MSI2: variants seen among roughly 807,000 people sequenced by gnomAD.
The protein encoded by MSI2 is RNA-binding protein Musashi homolog 2.
Under a neutral mutation model 45.6 loss-of-function variants are expected in MSI2, and 17 were observed. The ratio of observed to expected loss-of-function variants is 0.37; its 90% CI spans 0.26 to 0.56. The LOEUF (loss-of-function observed/expected upper bound fraction) is 0.56. MSI2 is among the 20% of genes least tolerant of loss of function. MSI2 has a pLI of 0.77. For synonymous variants in MSI2, 156 were observed against 158.2 expected (o/e 0.99, Z 0.11); for missense variants, 293 against 444.2 (o/e 0.66, Z 3.06).
At chr17:57,377,476 C>G (rs1026215758) in intron 5 of MSI2, among the ~76,000 whole-genome samples, 1 of 152,218 alleles carries the variant, frequency 6.6e-6, no homozygotes. Flanking sequence ...CAGGGATTCT[C>G]CACAGTTCAG....
intron 5 of MSI2, among the ~76,000 whole-genome samples, chr17:57,340,505 G>A (rs570011491): frequency 6.6e-6 from 1 of 152,246 alleles, no homozygotes; most frequent in South Asian, 2.1e-4. Flanking sequence ...CAAAGGGTGG[G>A]GCATGAGAAA....
intron 5 of MSI2, among the ~76,000 whole-genome samples, chr17:57,273,074 A>G (rs1908516154): frequency 6.6e-6 from 1 of 152,176 alleles, no homozygotes; most frequent in Non-Finnish European, 1.5e-5. Context: ...GGGAAAAAGG[A>G]TCAAATTAGG....
At chr17:57,578,816 G>A (rs2088122071) in intron 7 of MSI2, among the ~76,000 whole-genome samples, 2 of 151,956 alleles carry the variant, frequency 1.3e-5, no homozygotes, top group Admixed American at 6.6e-5. Context: ...AAACCCTCTG[G>A]GACTGGTGGG....
chr17:57,383,343 T>A (rs1224535462), intron 5 of MSI2, among the ~76,000 whole-genome samples: 1 of 152,200 alleles, frequency 6.6e-6, no homozygotes, highest in African/African-American at 2.4e-5. Context: ...TACTGACATT[T>A]ACAATGATAA....
intron 13 of MSI2, 135 bp downstream of exon 13, chr17:57,677,194 A>G: frequency 1.5e-6 from 1 of 658,720 alleles, no homozygotes; most frequent in Non-Finnish European, 2.7e-6. Context: ...ACCCCTTTTC[A>G]GGAGGGTGGG....
intron 5 of MSI2, among the ~76,000 whole-genome samples, chr17:57,347,391 G>A (rs1915694786): frequency 6.6e-6 from 1 of 152,074 alleles, no homozygotes; most frequent in Admixed American, 6.6e-5. Flanking sequence ...AATGAGTGTG[G>A]CATTATAGCA....
rs534298278 is a variant in MSI2 at position 57,476,201 on chromosome 17, T to G, written c.406-53475T>G. 2.3e-3 allele frequency among the ~76,000 whole-genome samples: 348 copies of G among 152,280 alleles called. 2 individuals carry two copies. The highest frequency in any genetic ancestry group is 0.011 in the South Asian group (55 of 4,806). On this transcript the variant is annotated intron_variant, in intron 6 of 13. Coordinates refer to ENST00000284073, the MANE Select transcript of MSI2 (RefSeq NM_138962.4). The stretch of plus-strand genomic sequence containing the variant: ...ATCCAAGCTGATTTACATCAGCAGC[T>G]CCCTCTGGTTAATAGCCTTGTATAT...
At chr17:57,332,121 A>G (rs1914325326) in intron 5 of MSI2, among the ~76,000 whole-genome samples, 1 of 148,570 alleles carries the variant, frequency 6.7e-6, no homozygotes. Context: ...TTTTTTTTGA[A>G]ATGGAGTCTC....
intron 11 of MSI2, among the ~76,000 whole-genome samples, chr17:57,663,639 C>T (rs1322120066): frequency 1.3e-5 from 2 of 152,210 alleles, no homozygotes; most frequent in Non-Finnish European, 2.9e-5. Flanking sequence ...AAGACAGACA[C>T]ACAGCAGCAA....
chr17:57,344,696 T>C (rs1345480669), intron 5 of MSI2, among the ~76,000 whole-genome samples: 23 of 152,182 alleles, frequency 1.5e-4, no homozygotes, highest in Admixed American at 1.5e-3. Flanking sequence ...TATACATACA[T>C]ATTTTGGAAA....
At chr17:57,346,948 C>T (rs922794123) in intron 5 of MSI2, among the ~76,000 whole-genome samples, 2 of 152,114 alleles carry the variant, frequency 1.3e-5, no homozygotes, top group African/African-American at 2.4e-5. Context: ...AATAGGTAAT[C>T]GAACAGAGTA....
rs538565636 is a variant in MSI2 at position 57,463,268 on chromosome 17, G to C, written c.405+61797G>C. Reference sequence around the variant, plus strand: ...TTCCAGCATTGTGTATGTAGGAGTGGGGGTGGTGGGCAGGGTGAGTAGGAC... The same window carrying C: ...TTCCAGCATTGTGTATGTAGGAGTGCGGGTGGTGGGCAGGGTGAGTAGGAC... On this transcript the variant is annotated intron_variant, in intron 6 of 13. Coordinates refer to ENST00000284073, the MANE Select transcript of MSI2 (RefSeq NM_138962.4). Among the ~76,000 whole-genome samples, 9 of 152,268 alleles carry C rather than the reference G, an allele frequency of 5.9e-5. No individual in the cohort carries two copies. In the East Asian group the frequency reaches 1.7e-3, roughly 29 times the overall value.
intron 5 of MSI2, among the ~76,000 whole-genome samples, chr17:57,318,629 A>C (rs2143652874): frequency 6.6e-6 from 1 of 151,924 alleles, no homozygotes; most frequent in Admixed American, 6.6e-5. Context: ...CCCGGGTCTG[A>C]AAAGGTGCCT....
chr17:57,485,459 A>G (rs1276591325), intron 6 of MSI2, among the ~76,000 whole-genome samples: 1 of 152,220 alleles, frequency 6.6e-6, no homozygotes, highest in Non-Finnish European at 1.5e-5. Context: ...ATTTGCACAG[A>G]TAGAAACAAA....
chr17:57,614,526 G>T (rs778450615), intron 8 of MSI2, among the ~76,000 whole-genome samples: 3 of 152,120 alleles, frequency 2.0e-5, no homozygotes, highest in Admixed American at 6.5e-5. Flanking sequence ...CTTTAAATAA[G>T]ATACCTGTTT....
intron 5 of MSI2, among the ~76,000 whole-genome samples, chr17:57,388,096 A>T (rs2083716788): frequency 6.6e-6 from 1 of 152,116 alleles, no homozygotes; most frequent in Admixed American, 6.6e-5. Context: ...TTCAAATCTG[A>T]TGCTCTTTTC....
At chr17:57,548,333 T>TA (rs140309105) in intron 7 of MSI2, among the ~76,000 whole-genome samples, 25 of 150,100 alleles carry the variant, frequency 1.7e-4, no homozygotes, top group Non-Finnish European at 1.2e-4. Context: ...TTAATTCGTT[T>TA]AAAAAAAAAA....
rs5821192 is a variant in MSI2, at chr17:57,583,488, C to CT, written c.455-13361dup. Among the ~76,000 whole-genome samples the CT allele has an allele frequency of 1.9e-3, 184 of 98,004 alleles. 3 individuals are homozygous for CT. Among genetic ancestry groups the CT allele is most frequent in the African/African-American group, 6.0e-3 (155 of 25,778 alleles). The allele number at this position is 98,004 out of a possible 152,430, so 64.3% of individuals were successfully genotyped here. ...TACTTTTTTCCTTCTCCCAATGTTT[C>CT]TTTTTTTTTTTTTTTTTTTGAGACA... On this transcript the variant is annotated intron_variant, in intron 7 of 13. Coordinates refer to ENST00000284073, the MANE Select transcript of MSI2 (RefSeq NM_138962.4).
rs10602873 is a variant in MSI2, at chr17:57,520,821, ATTT to A, written c.406-8845_406-8843del. ...GTTGTGCACCACGACACCCAACTAA[ATTT>A]TTTTTTTTTCTTGTATTTTTAGTAG... On this transcript the variant is annotated intron_variant, in intron 6 of 13. Transcript: ENST00000284073. Among the ~76,000 whole-genome samples the A allele has an allele frequency of 3.3e-3, 491 of 150,192 alleles. 12 individuals carry two copies. The East Asian group carries it at 0.054, about 17-fold the overall frequency.
Sources: gnomAD v4.1 joint callset for allele counts (sites outside exome capture counted in the v4.1 genomes callset) on GRCh38, gnomAD v4.1.1 for gene constraint, MANE v1.5 for transcripts, NCBI Gene and HGNC (gene_info 2026-07-23, HGNC 2026-07-21) for gene names.